TRIM66: variants seen among roughly 807,000 people sequenced by gnomAD.
TRIM66 encodes tripartite motif-containing protein 66.
Under a neutral mutation model 148.2 loss-of-function variants are expected in TRIM66, and 99 were observed. The observed-to-expected ratio is 0.67, with a 90% CI of 0.57 to 0.79. The LOEUF is 0.79. Among genes scored for constraint, TRIM66 ranks in the 30% least tolerant of loss-of-function variants. TRIM66 has a pLI of 0.00. For missense variants in TRIM66, 1,666 were observed against 1,697.9 expected, an observed-to-expected ratio of 0.98 and a Z score of 0.33; for synonymous variants, 616 against 635.9, an observed-to-expected ratio of 0.97 and a Z score of 0.47.
Position 8,624,868 on chromosome 11 carries a change from C to A in TRIM66, c.2671G>T (p.Ala891Ser). 4.5e-6 allele frequency: 7 copies of A among 1,551,714 alleles called. No homozygotes were observed. The highest frequency in any genetic ancestry group is 5.2e-6 in the Non-Finnish European group (6 of 1,146,986). Residue 891 changes from alanine to serine, a missense_variant, in exon 16 of 25, where the codon GCT (alanine) becomes TCT (serine). Transcript: ENST00000646038. ...GPSLMSGHTQ[A>S]VPSLATCPLQ... ...GGACAAGTTGCCAGACTCGGCACAG[C>A]CTGGGTGTGACCAGACATTAGGCTG...
At chr11:8,669,700 C>T (rs2038818787) in intron 6 of TRIM66, among the ~76,000 whole-genome samples, 1 of 151,802 alleles carries the variant, frequency 6.6e-6, no homozygotes, top group South Asian at 2.1e-4. Context: ...GTGGCAGCCA[C>T]CTATCACTCA....
rs187097827 is a variant in TRIM66, at chr11:8,633,419, T to C, written c.2310+5235A>G. On this transcript the variant is annotated intron_variant, in intron 15 of 24. Coordinates refer to ENST00000646038, the MANE Select transcript of TRIM66 (RefSeq NM_001388022.1). ...ATAGGAGCAAGGACCTGTTTTCTCA[T>C]GGGCCAGGAGACCTAGACAAAAATC... 5.5e-4 allele frequency among the ~76,000 whole-genome samples: 84 copies of C among 152,306 alleles called. 1 individual carries two copies. The highest frequency in any genetic ancestry group is 1.8e-3 in the African/African-American group (76 of 41,576).
At chr11:8,665,116 TA>T (rs1300205089) in intron 6 of TRIM66, among the ~76,000 whole-genome samples, 308 of 142,788 alleles carry the variant, frequency 2.2e-3, no homozygotes, top group African/African-American at 4.4e-3. Flanking sequence ...CATTTTACTT[TA>T]AAAAAAAAAA....
At chr11:8,677,077 A>G (rs2039211270) in intron 3 of TRIM66, among the ~76,000 whole-genome samples, 1 of 152,242 alleles carries the variant, frequency 6.6e-6, no homozygotes, top group South Asian at 2.1e-4. Context: ...CTTGCTAAGG[A>G]ATGATGGAAC....
chr11:8,672,400 T>G lies in TRIM66; in HGVS notation c.-111-15A>C, dbSNP rs2038980542. The G allele has an allele frequency of 6.7e-7, 1 of 1,489,060 alleles. No homozygotes were observed. Among genetic ancestry groups the G allele is most frequent in the Non-Finnish European group, 8.9e-7 (1 of 1,126,726 alleles). The allele number at this position is 1,489,060 out of a possible 1,614,324, so 92.2% of individuals were successfully genotyped here. ...ACAAGCTTGACCTAAGTTTCAATTT[T>G]GGAAAAAGGAAGAAAATTGCATTAT... On this transcript the variant is annotated splice_polypyrimidine_tract_variant and intron_variant, in intron 4 of 24. Transcript: ENST00000646038.
At chr11:8,622,735 A>C (rs773128817) in intron 18 of TRIM66, 81 bp downstream of exon 18, 3 of 1,320,790 alleles carry the variant, frequency 2.3e-6, no homozygotes, top group Non-Finnish European at 3.2e-6. Context: ...TAGTTAATTC[A>C]TCAAGGATGC....
intron 8 of TRIM66, 29 bp from the exon 9 acceptor site, chr11:8,648,577 T>G: frequency 1.3e-6 from 2 of 1,550,792 alleles, no homozygotes; most frequent in Non-Finnish European, 1.7e-6. Context: ...AAAGTGAGCT[T>G]CTCTTGCTCA....
chr11:8,683,020 C>T (rs1213146552), upstream of TRIM66: 13 of 850,908 alleles, frequency 1.5e-5, no homozygotes, highest in East Asian at 7.8e-5. Flanking sequence ...CTCTAGGACA[C>T]GCGGGCCCCT....
chr11:8,643,266 T>G, intron 12 of TRIM66, 140 bp from the exon 13 acceptor site: 13 of 625,766 alleles, frequency 2.1e-5, no homozygotes, highest in Non-Finnish European at 2.4e-5. Context: ...TCTCATTCTC[T>G]TGCACCTTAG....
chr11:8,659,160 G>A (rs1364883264), intron 6 of TRIM66, among the ~76,000 whole-genome samples: 1 of 152,052 alleles, frequency 6.6e-6, no homozygotes, highest in East Asian at 1.9e-4. Context: ...AGGGGGAGTG[G>A]CAGGGATGTG....
chr11:8,624,547 T>C lies in TRIM66; in HGVS notation c.2831A>G (p.Glu944Gly), dbSNP rs769537419. The C allele has an allele frequency of 2.5e-5, 38 of 1,523,170 alleles. No homozygotes were observed. Among genetic ancestry groups the C allele is most frequent in the Non-Finnish European group, 3.3e-5 (37 of 1,136,184 alleles). 94.4% of individuals were successfully genotyped at this position (1,523,170 alleles called of 1,614,324 possible). A position where few individuals can be genotyped will look rare whatever the true frequency, so the allele number is the denominator to read the frequency against. Residue 944 changes from glutamate to glycine, a missense_variant, in exon 17 of 25, where the codon GAA becomes GGA. By Grantham distance (98) the Glu-to-Gly change is moderately conservative. This residue lies in a region of TRIM66 where 1,431 missense variants were observed against 1,412.4 expected (regional missense o/e 1.01). Transcript: ENST00000646038. ...PSLENALCKM[E>G]SEDSTRFTDL... ...AGTGAAGCGAGTGGAATCCTCACTT[T>C]CCATCTTTCAAAAGTGAAATGTCGA...
chr11:8,628,673 A>G (rs1351136669), intron 15 of TRIM66, among the ~76,000 whole-genome samples: 1 of 150,068 alleles, frequency 6.7e-6, no homozygotes, highest in African/African-American at 2.4e-5. Context: ...CAAAGCTACA[A>G]CTTAATTTTG....
rs1388927374 is a variant in TRIM66 at position 8,621,186 on chromosome 11, G to A, written c.3391C>T (p.Arg1131Ter). The A allele has an allele frequency of 4.5e-6, 7 of 1,551,574 alleles. No homozygotes were observed. Among genetic ancestry groups the A allele is most frequent in the East Asian group, 2.4e-5 (1 of 40,926 alleles). The change falls in exon 20 of 25, where the codon CGA (arginine) becomes TGA (stop). Residue 1131 changes from arginine (R) to a stop codon, truncating the protein, a stop_gained. Coordinates refer to ENST00000646038, the MANE Select transcript of TRIM66 (RefSeq NM_001388022.1). LOFTEE classifies it high-confidence loss of function. ...GGGCCCTTCTTGGCTCCTGGGGTTC[G>A]AGGAATGAGTCTGTGTTCTTCAGGA... is the stretch of plus-strand genomic sequence containing the variant. The part of the protein sequence containing the change: ...TSPEEHRLIP[R>*]TPGAKKGPPA...
chr11:8,621,181 G>C lies in TRIM66; in HGVS notation c.3396C>G (p.Thr1132=). Residue 1132 remains threonine, a synonymous_variant, in exon 20 of 25, where the codon ACC becomes ACG. Coordinates refer to ENST00000646038, the MANE Select transcript of TRIM66 (RefSeq NM_001388022.1). ...CTGGGGGGCCCTTCTTGGCTCCTGG[G>C]GTTCGAGGAATGAGTCTGTGTTCTT... ...SPEEHRLIPR[T]PGAKKGPPAP... 1.9e-6 allele frequency: 3 copies of C among 1,551,688 alleles called. No individual in the cohort carries two copies. Among genetic ancestry groups the C allele is most frequent in the Non-Finnish European group, 1.7e-6 (2 of 1,146,988 alleles).
intron 9 of TRIM66, 126 bp downstream of exon 9, chr11:8,648,290 C>T: frequency 1.4e-6 from 2 of 1,428,734 alleles, no homozygotes; most frequent in Non-Finnish European, 1.9e-6. Context: ...AGAAAAACTT[C>T]AGCCCAGGGG....
At chr11:8,654,168 T>C (rs2037613056) in intron 6 of TRIM66, among the ~76,000 whole-genome samples, 1 of 152,214 alleles carries the variant, frequency 6.6e-6, no homozygotes, top group African/African-American at 2.4e-5. Context: ...TCATCACACA[T>C]CCTCTGCTCC....
intron 14 of TRIM66, 34 bp from the exon 15 acceptor site, chr11:8,638,849 A>G: frequency 6.5e-7 from 1 of 1,545,662 alleles, no homozygotes; most frequent in East Asian, 2.5e-5. Context: ...GGTGGGTTTT[A>G]CTGCAGACAG....
rs369472152 is a variant in TRIM66 at position 8,664,813 on chromosome 11, C to T, written c.340+6973G>A. On this transcript the variant is annotated intron_variant, in intron 6 of 24. Transcript: ENST00000646038. ...TCTGGTTGAATGAGAAGATGCCTAC[C>T]TCATGACATCCCCTCAGTTCCAAGC... Among the ~76,000 whole-genome samples the T allele has an allele frequency of 5.8e-4, 88 of 152,238 alleles. 1 individual carries two copies. Among genetic ancestry groups the T allele is most frequent in the African/African-American group, 1.9e-3 (80 of 41,530 alleles).
At chr11:8,620,220 C>A in intron 21 of TRIM66, 96 bp from the exon 22 acceptor site, 1 of 1,333,896 alleles carries the variant, frequency 7.5e-7, no homozygotes, top group South Asian at 1.4e-5. Context: ...GGCTCTGTCC[C>A]ACAGGATGCC....
Sources: allele counts gnomAD v4.1 joint callset (sites outside exome capture counted in the v4.1 genomes callset), GRCh38; gene constraint gnomAD v4.1.1; regional missense constraint gnomAD v4.1.1; transcripts MANE v1.5; gene names NCBI Gene and HGNC (gene_info 2026-07-23, HGNC 2026-07-21).